Variants in DNAJC1 observed in about 807,000 individuals in gnomAD.
The protein encoded by DNAJC1 is dnaJ homolog subfamily C member 1.
In DNAJC1, 58 loss-of-function variants were observed where a neutral mutation model predicts 76.6. The observed-to-expected ratio is 0.76, with a 90% CI of 0.61 to 0.94. DNAJC1 has a LOEUF of 0.94. Ranked by LOEUF, DNAJC1 falls within the 40% of genes least tolerant of loss-of-function variation. DNAJC1 has a pLI of 0.00. For synonymous variants in DNAJC1, 258 were observed against 267.9 expected (o/e 0.96, Z 0.36); for missense variants, 689 against 677.3 (o/e 1.02, Z -0.19).
intron 8 of DNAJC1, among the ~76,000 whole-genome samples, chr10:21,815,133 T>C (rs1835053838): frequency 6.6e-6 from 1 of 152,180 alleles, no homozygotes; most frequent in African/African-American, 2.4e-5. Flanking sequence ...CCATCTCATA[T>C]AAATCATGGG....
chr10:21,919,282 C>T (rs946403042), intron 5 of DNAJC1, among the ~76,000 whole-genome samples: 5 of 151,982 alleles, frequency 3.3e-5, no homozygotes, highest in African/African-American at 4.8e-5. Flanking sequence ...AAGACTGTAG[C>T]ATAAACAAAC....
intron 7 of DNAJC1, among the ~76,000 whole-genome samples, chr10:21,898,035 T>C (rs1487087574): frequency 6.6e-6 from 1 of 152,152 alleles, no homozygotes; most frequent in Non-Finnish European, 1.5e-5. Context: ...GCAAAACAAA[T>C]ATCTGCATTC....
At chr10:21,798,222 C>T (rs947569299) in intron 9 of DNAJC1, among the ~76,000 whole-genome samples, 1 of 152,224 alleles carries the variant, frequency 6.6e-6, no homozygotes, top group African/African-American at 2.4e-5. Context: ...TAGTCCAAAA[C>T]CACCATTGTG....
chr10:21,905,806 C>T (rs1836734786), intron 6 of DNAJC1, among the ~76,000 whole-genome samples: 1 of 152,012 alleles, frequency 6.6e-6, no homozygotes, highest in South Asian at 2.1e-4. Flanking sequence ...TGATGACTAA[C>T]TAAGGTGAAA....
chr10:21,759,088 G>C, intron 11 of DNAJC1, 82 bp downstream of exon 11: 1 of 1,378,698 alleles, frequency 7.3e-7, no homozygotes, highest in Non-Finnish European at 9.9e-7. Flanking sequence ...AGGAATGAGG[G>C]AAGAAGCTGC....
chr10:21,805,303 A>T lies in DNAJC1; in HGVS notation c.1098+677T>A, dbSNP rs560462458. On this transcript the variant is annotated intron_variant, in intron 9 of 11. Coordinates refer to ENST00000376980, the MANE Select transcript of DNAJC1 (RefSeq NM_022365.4). ...TCAATTAAACATTTACTGTGTATTT[A>T]GTATATTACACATCAGGCACTGTGC... 5.9e-5 allele frequency among the ~76,000 whole-genome samples: 9 copies of T among 152,266 alleles called. No individual in the cohort carries two copies. The South Asian group carries it at 1.9e-3, about 32-fold the overall frequency.
chr10:21,950,204 A>AT (rs1194057069), intron 1 of DNAJC1, among the ~76,000 whole-genome samples: 2 of 152,044 alleles, frequency 1.3e-5, no homozygotes, highest in African/African-American at 4.8e-5. Flanking sequence ...TATGGGTGCC[A>AT]TTTTTCCAAC....
At chr10:21,914,189 C>A (rs1787742454) in intron 6 of DNAJC1, among the ~76,000 whole-genome samples, 1 of 152,144 alleles carries the variant, frequency 6.6e-6, no homozygotes, top group African/African-American at 2.4e-5. Flanking sequence ...TGGGAAATGT[C>A]TGATATTAAT....
At chr10:21,822,186 C>T (rs1211375235) in intron 8 of DNAJC1, among the ~76,000 whole-genome samples, 1 of 152,132 alleles carries the variant, frequency 6.6e-6, no homozygotes, top group African/African-American at 2.4e-5. Context: ...GTGGCTCACA[C>T]CCATAATCCC....
chr10:21,766,071 G>A (rs1485388388), intron 10 of DNAJC1, among the ~76,000 whole-genome samples, 190 bp downstream of exon 10: 3 of 152,046 alleles, frequency 2.0e-5, no homozygotes, highest in Non-Finnish European at 4.4e-5. Flanking sequence ...ACATCTTCTC[G>A]GCACCAGTAT....
chr10:21,830,630 C>G (rs373590740), intron 8 of DNAJC1, among the ~76,000 whole-genome samples: 55 of 152,204 alleles, frequency 3.6e-4, no homozygotes, highest in Non-Finnish European at 7.1e-4. Flanking sequence ...CTCTTTCTTA[C>G]CAATTCTGAA....
At chr10:21,834,242 C>A (rs1050977947) in intron 8 of DNAJC1, among the ~76,000 whole-genome samples, 2 of 150,998 alleles carry the variant, frequency 1.3e-5, no homozygotes, top group Non-Finnish European at 3.0e-5. Flanking sequence ...CCAGCCTGGG[C>A]GACAGAGCAA....
chr10:21,793,309 TG>T (rs984032027), intron 9 of DNAJC1, among the ~76,000 whole-genome samples: 1 of 152,064 alleles, frequency 6.6e-6, no homozygotes, highest in South Asian at 2.1e-4. Context: ...TCTCAGGGGT[TG>T]GGGGGCCGGG....
intron 8 of DNAJC1, among the ~76,000 whole-genome samples, chr10:21,868,066 A>T (rs1836035612): frequency 1.5e-5 from 1 of 66,096 alleles, no homozygotes; most frequent in African/African-American, 5.5e-5. Context: ...ACAGAGCAAG[A>T]TTCTGTCTCC....
chr10:21,956,863 T>C (rs1344789735), intron 1 of DNAJC1, among the ~76,000 whole-genome samples: 2 of 150,380 alleles, frequency 1.3e-5, no homozygotes, highest in African/African-American at 4.9e-5. Context: ...CAAGTAGGTG[T>C]AAATTTTTCT....
At position 21,859,354 on chromosome 10, in the gene DNAJC1, T is replaced by C. The variant is rs865970079; in HGVS notation, c.978+22928A>G. Among the ~76,000 whole-genome samples, 9 of 152,200 alleles carry C rather than the reference T, an allele frequency of 5.9e-5. No homozygotes were observed. The South Asian group carries it at 1.4e-3, about 24-fold the overall frequency. On this transcript the variant is annotated intron_variant, in intron 8 of 11. Coordinates refer to ENST00000376980, the MANE Select transcript of DNAJC1 (RefSeq NM_022365.4). ...AATGTCCCCGATATTCAAACTCCTA[T>C]GTAAAATGAAGAAAATACTATTACC...
intron 1 of DNAJC1, among the ~76,000 whole-genome samples, chr10:21,961,086 T>G (rs1837783396): frequency 6.6e-6 from 1 of 152,206 alleles, no homozygotes; most frequent in African/African-American, 2.4e-5. Context: ...AATGTGTTTT[T>G]GAGGATGTGG....
chr10:21,829,459 G>A (rs980202974), intron 8 of DNAJC1, among the ~76,000 whole-genome samples: 15 of 152,060 alleles, frequency 9.9e-5, no homozygotes, highest in African/African-American at 3.1e-4. Context: ...CTCATGATCC[G>A]CCCACCTCGG....
intron 8 of DNAJC1, among the ~76,000 whole-genome samples, chr10:21,840,193 A>T (rs1171329636): frequency 6.6e-6 from 1 of 152,236 alleles, no homozygotes; most frequent in Non-Finnish European, 1.5e-5. Flanking sequence ...AACTGGCACA[A>T]GACAGGGATG....
Sources: gnomAD v4.1 joint callset for allele counts (sites outside exome capture counted in the v4.1 genomes callset) on GRCh38, gnomAD v4.1.1 for gene constraint, MANE v1.5 for transcripts, NCBI Gene and HGNC (gene_info 2026-07-23, HGNC 2026-07-21) for gene names.